The following FBF1 variants were observed in gnomAD, a reference collection of about 807,000 sequenced individuals.
FBF1 encodes the protein fas-binding factor 1.
A neutral mutation model predicts 147.2 loss-of-function variants in FBF1; 119 were observed. The ratio of observed to expected loss-of-function variants is 0.81; its 90% CI spans 0.70 to 0.94. The LOEUF (loss-of-function observed/expected upper bound fraction) is 0.94. FBF1 is among the 40% of genes least tolerant of loss of function. The pLI is 0.00. For synonymous variants in FBF1, 601 were observed against 609.0 expected (o/e 0.99, Z 0.19); for missense variants, 1,449 against 1,500.8 (o/e 0.97, Z 0.57).
Position 75,926,043 on chromosome 17 carries a change from G to A in FBF1, c.855C>T (p.Tyr285=). The change falls in exon 12 of 30, where the codon TAC becomes TAT. Residue 285 remains tyrosine, a synonymous_variant. Transcript: ENST00000636174. ...EHREFKLDKK[Y]QRPQDSEDMW... is the part of the protein sequence containing the mutation. ...AAGCCTCCTTACCCTGTGGCCTCTG[G>A]TACTTCTTGTCTAGCTTGAACTCCC... 1 of 1,611,330 alleles carries A rather than the reference G, an allele frequency of 6.2e-7. No homozygotes were observed. Among genetic ancestry groups the A allele is most frequent in the Non-Finnish European group, 8.5e-7 (1 of 1,179,530 alleles).
chr17:75,916,165 C>A (rs1420096544), intron 23 of FBF1, among the ~76,000 whole-genome samples: 1 of 146,426 alleles, frequency 6.8e-6, no homozygotes, highest in Non-Finnish European at 1.5e-5. Flanking sequence ...ACAAAAAATA[C>A]AAAAAATTAG....
Position 75,925,458 on chromosome 17 carries a change from G to A in FBF1, c.869-12C>T. On this transcript the variant is annotated splice_polypyrimidine_tract_variant and intron_variant, in intron 12 of 29. Transcript: ENST00000636174. This position sits in a 1 kb window ranked among gnomAD's most constrained non-coding sequence, Gnocchi z 5.0. ...CATATCTTCACTGTCTGTGAATTAAGGAGCCTGTGACCGTGATCTGGAGTA... is the reference window on the plus strand; with the variant it reads ...CATATCTTCACTGTCTGTGAATTAAAGAGCCTGTGACCGTGATCTGGAGTA... The A allele has an allele frequency of 1.2e-6, 2 of 1,609,490 alleles. No individual in the cohort carries two copies. Among genetic ancestry groups the A allele is most frequent in the Non-Finnish European group, 1.7e-6 (2 of 1,177,694 alleles).
intron 28 of FBF1, chr17:75,913,455 G>A (rs1269085397): frequency 2.6e-5 from 11 of 419,560 alleles, no homozygotes; most frequent in Non-Finnish European, 3.8e-5. Flanking sequence ...GCCTGACAAT[G>A]ACTTTTTTTA....
In FBF1 at chr17:75,914,792, C is replaced by T; in HGVS notation, c.2769G>A (p.Leu923=). 6.3e-7 allele frequency: 1 copy of T among 1,596,972 alleles called. No homozygotes were observed. The highest frequency in any genetic ancestry group is 8.5e-7 in the Non-Finnish European group (1 of 1,172,950). The part of the protein sequence containing the change: ...ERAEREAERA[L]QVDTQREGTL... ...TGCCCTCCCGCTGGGTGTCCACCTG[C>T]AATGCCCGCTCGGCCTCGCGCTCGG... is the stretch of plus-strand genomic sequence containing the variant. Residue 923 remains leucine, a synonymous_variant, in exon 25 of 30, where the codon TTG becomes TTA. Transcript: ENST00000636174.
At chr17:75,921,861 C>T (rs1170914514) in intron 15 of FBF1, 84 bp downstream of exon 15, 39 of 1,240,940 alleles carry the variant, frequency 3.1e-5, no homozygotes, top group Non-Finnish European at 4.3e-5. Context: ...GCAGGGTGAA[C>T]AGCCTCTGTG....
At chr17:75,939,752 C>T (rs1211082869) in intron 1 of FBF1, 3 of 151,952 alleles carry the variant, frequency 2.0e-5, no homozygotes, top group Non-Finnish European at 4.4e-5. Context: ...TAAATCTGAC[C>T]CATTGAGAAC....
chr17:75,912,510 C>T (rs1468595075), intron 28 of FBF1, among the ~76,000 whole-genome samples: 2 of 152,174 alleles, frequency 1.3e-5, no homozygotes, highest in East Asian at 3.9e-4. Flanking sequence ...GAATTTATTC[C>T]AGTGAAATAA....
intron 23 of FBF1, among the ~76,000 whole-genome samples, chr17:75,916,423 C>T (rs1036354111): frequency 6.6e-6 from 1 of 152,142 alleles, no homozygotes; most frequent in Non-Finnish European, 1.5e-5. Context: ...AGTTCAAGAC[C>T]AGCCTGGGCA....
rs1387162479 is a variant in FBF1, at chr17:75,926,165, T to C, written c.735-2A>G. 3 of 1,607,924 alleles carry C rather than the reference T, an allele frequency of 1.9e-6. No individual in the cohort carries two copies. The East Asian group carries it at 6.7e-5, about 36-fold the overall frequency. ...GAGCGAGCAGGGCGAGGCCCTTCCC[T>C]GCAGGACGGGACACACGGCAGGAAC... On this transcript the variant is annotated splice_acceptor_variant, in intron 11 of 29. Coordinates refer to ENST00000636174, the MANE Select transcript of FBF1 (RefSeq NM_001319193.2). LOFTEE classifies it high-confidence loss of function.
chr17:75,936,115 C>G (rs1186335120), intron 3 of FBF1, among the ~76,000 whole-genome samples: 2 of 152,168 alleles, frequency 1.3e-5, no homozygotes, highest in East Asian at 3.9e-4. Context: ...GAGTTCGAGA[C>G]CAGCCTGGCT....
intron 4 of FBF1, 71 bp downstream of exon 4, chr17:75,935,561 G>T: frequency 6.9e-7 from 1 of 1,456,984 alleles, no homozygotes; most frequent in South Asian, 1.2e-5. Flanking sequence ...GGACCAGCCT[G>T]GGCAACATAG....
chr17:75,919,822 G>A lies in FBF1; in HGVS notation c.1984C>T (p.Arg662Trp), dbSNP rs201267019. Residue 662 changes from arginine to tryptophan, a missense_variant, in exon 20 of 30, where the codon CGG (arginine) becomes TGG (tryptophan). By Grantham distance (101) the Arg-to-Trp change is moderately radical. Transcript: ENST00000636174. This position sits in a 1 kb window ranked among gnomAD's most constrained non-coding sequence, Gnocchi z 5.0. Reference sequence around the variant, plus strand: ...GCTGACAGCTCTTCGTTCTCTCTCCGGAGCCGCTCCTCCCGTTGCTGGTAC... The same window carrying A: ...GCTGACAGCTCTTCGTTCTCTCTCCAGAGCCGCTCCTCCCGTTGCTGGTAC... ...TSYQQREERLRRENEELSARY... is the reference protein window; with the variant it reads ...TSYQQREERLWRENEELSARY... 33 of 1,613,840 alleles carry A rather than the reference G, an allele frequency of 2.0e-5. No individual in the cohort carries two copies. The highest frequency in any genetic ancestry group is 1.2e-4 in the Admixed American group (7 of 60,036).
Position 75,918,283 on chromosome 17 carries a change from G to A in FBF1, c.2139-14C>T, listed in dbSNP as rs1303130022. 9 of 1,607,650 alleles carry A rather than the reference G, an allele frequency of 5.6e-6. No individual in the cohort carries two copies. The highest frequency in any genetic ancestry group is 7.7e-6 in the Non-Finnish European group (9 of 1,176,014). On this transcript the variant is annotated splice_polypyrimidine_tract_variant and intron_variant, in intron 20 of 29. Transcript: ENST00000636174. This position sits in a 1 kb window ranked among gnomAD's most constrained non-coding sequence, Gnocchi z 5.8. ...AGGATGGACGCCCTGAGGGGAGGCG[G>A]GAGGGGAAGGCGGTCACTCTGAGCT...
At chr17:75,914,414 G>T in intron 25 of FBF1, 116 bp from the exon 26 acceptor site, 6 of 1,422,846 alleles carry the variant, frequency 4.2e-6, no homozygotes, top group Non-Finnish European at 5.6e-6. Flanking sequence ...GTGGAGCCAG[G>T]GGCTTCCAGG....
intron 8 of FBF1, 136 bp from the exon 9 acceptor site, chr17:75,927,668 G>T: frequency 1.4e-6 from 1 of 718,548 alleles, no homozygotes; most frequent in South Asian, 1.8e-5. Flanking sequence ...CATGGGCACA[G>T]CCAAGGGAGG....
chr17:75,911,801 C>T (rs752820216), intron 29 of FBF1, among the ~76,000 whole-genome samples: 8 of 151,826 alleles, frequency 5.3e-5, no homozygotes, highest in Non-Finnish European at 1.2e-4. Flanking sequence ...GTGAGCCACG[C>T]ACCTGGTCCT....
chr17:75,940,734 G>A (rs1049975406), intron 1 of FBF1, 114 bp downstream of exon 1: 2 of 153,868 alleles, frequency 1.3e-5, no homozygotes, highest in African/African-American at 4.8e-5. Flanking sequence ...GTCCCCACAT[G>A]TATTCAGCCG....
rs181376764 is a variant in FBF1 at position 75,931,931 on chromosome 17, C to T, written c.168-642G>A. Among the ~76,000 whole-genome samples the T allele has an allele frequency of 4.0e-3, 604 of 152,278 alleles. 3 individuals carry two copies. The highest frequency in any genetic ancestry group is 0.014 in the African/African-American group (566 of 41,554). On this transcript the variant is annotated intron_variant, in intron 5 of 29. Transcript: ENST00000636174. The stretch of plus-strand genomic sequence containing the variant: ...CAAACACAATTTGAAAATCACTGAT[C>T]TAGGCCAATCCTTTAATTCTGAGGA...
intron 25 of FBF1, 28 bp downstream of exon 25, chr17:75,914,719 T>C: frequency 6.6e-7 from 1 of 1,515,934 alleles, no homozygotes; most frequent in Non-Finnish European, 8.9e-7. Context: ...CCCTGGGCCC[T>C]CCACTGTCCG....
Sources: allele counts gnomAD v4.1 joint callset (sites outside exome capture counted in the v4.1 genomes callset), GRCh38; gene constraint gnomAD v4.1.1; non-coding constraint Gnocchi (gnomAD v3.1); transcripts MANE v1.5; gene names NCBI Gene and HGNC (gene_info 2026-07-23, HGNC 2026-07-21).